EGFLAM: variants seen among roughly 807,000 people sequenced by gnomAD.
EGFLAM encodes the protein pikachurin.
In EGFLAM, 79 loss-of-function variants were observed where a neutral mutation model predicts 113.1. The observed-to-expected ratio is 0.70, with a 90% CI of 0.58 to 0.84. The LOEUF (loss-of-function observed/expected upper bound fraction) is 0.84. EGFLAM is among the 40% of genes least tolerant of loss of function. EGFLAM has a pLI of 0.00. For synonymous variants in EGFLAM, 504 were observed against 487.6 expected (o/e 1.03, Z -0.44); for missense variants, 1,265 against 1,291.6 (o/e 0.98, Z 0.32).
intron 10 of EGFLAM, among the ~76,000 whole-genome samples, chr5:38,412,129 G>A (rs533399751): frequency 3.3e-5 from 5 of 152,094 alleles, no homozygotes; most frequent in Admixed American, 6.5e-5. Context: ...AAATACAGGG[G>A]GTACATGTGC....
rs1561102360 is a variant in EGFLAM, at chr5:38,451,382, TGGAGG to T, written c.2616_2620del (p.Gly873GlnfsTer24). The T allele has an allele frequency of 6.2e-7, 1 of 1,614,232 alleles. No individual in the cohort carries two copies. The highest frequency in any genetic ancestry group is 1.1e-5 in the South Asian group (1 of 91,082). Reference sequence around the variant, plus strand: ...AACTGCCAAGGATGGCCTTTTGCTGTGGAGGGGAGACAGCCCCATGAGACCCAACA... The same window carrying T: ...AACTGCCAAGGATGGCCTTTTGCTGTGGAGACAGCCCCATGAGACCCAACA... On this transcript the variant is annotated frameshift_variant, in exon 19 of 22. Transcript: ENST00000322350. LOFTEE classifies it high-confidence loss of function.
At chr5:38,300,377 T>C (rs72739034) in intron 1 of EGFLAM, among the ~76,000 whole-genome samples, 26,294 of 88,034 alleles carry the variant, frequency 0.3, 2,632 homozygotes, top group African/African-American at 0.45. Flanking sequence ...CTCTCTCTCT[T>C]TTTTTTTTTT....
chr5:38,462,605 T>C, intron 20 of EGFLAM: 2 of 286,416 alleles, frequency 7.0e-6, no homozygotes, highest in South Asian at 8.6e-5. Flanking sequence ...ATAACTGTCC[T>C]CTCTCTAGTC....
In EGFLAM at chr5:38,412,562, G is replaced by C. The variant is rs759169959; in HGVS notation, c.1408G>C (p.Gly470Arg). Residue 470 changes from glycine to arginine, a missense_variant, in exon 11 of 22, where the codon GGT (glycine) becomes CGT (arginine). Gly to Arg is a moderately radical substitution (Grantham distance 125, BLOSUM62 -2). Coordinates refer to ENST00000322350, the MANE Select transcript of EGFLAM (RefSeq NM_152403.4). Reference protein sequence around the residue: ...IVSETKIKLGGWHTVMLYRDG... With the variant: ...IVSETKIKLGRWHTVMLYRDG... ...AAGTGAGACCAAAATCAAACTAGGG[G>C]GTTGGCACACGGTTATGCTCTACAG... The C allele has an allele frequency of 6.2e-7, 1 of 1,614,012 alleles. No individual in the cohort carries two copies. The highest frequency in any genetic ancestry group is 1.3e-5 in the African/African-American group (1 of 74,904).
chr5:38,407,107 C>A lies in EGFLAM; in HGVS notation c.1108C>A (p.Gln370Lys). 1 of 1,614,054 alleles carries A rather than the reference C, an allele frequency of 6.2e-7. No individual in the cohort carries two copies. The highest frequency in any genetic ancestry group is 2.2e-5 in the East Asian group (1 of 44,866). The change falls in exon 8 of 22, where the codon CAG (glutamine) becomes AAG (lysine). Residue 370 changes from glutamine (Q) to lysine (K), a missense_variant. Gln to Lys is a moderately conservative substitution (Grantham distance 53). Transcript: ENST00000322350. ...CTACACCTGGGGGGGCTCGCGATGC[C>A]AGTGCACCCTGGGCAAAGGTGGTGA... ...NDYTWGGSRC[Q>K]CTLGKGGESC...
At chr5:38,377,243 T>A (rs1740391518) in intron 6 of EGFLAM, among the ~76,000 whole-genome samples, 1 of 151,976 alleles carries the variant, frequency 6.6e-6, no homozygotes, top group Non-Finnish European at 1.5e-5. Context: ...GTTCAAGCGC[T>A]TCTCCTGCCT....
intron 20 of EGFLAM, 43 bp downstream of exon 20, chr5:38,458,437 G>C (rs764737171): frequency 5.2e-5 from 83 of 1,583,138 alleles, no homozygotes; most frequent in Admixed American, 1.7e-5. Context: ...GAGCTGAGCA[G>C]TGGTGGGATG....
chr5:38,401,483 A>AT (rs1741111377), intron 6 of EGFLAM, among the ~76,000 whole-genome samples: 1 of 152,090 alleles, frequency 6.6e-6, no homozygotes, highest in Non-Finnish European at 1.5e-5. Flanking sequence ...AAATGACAAG[A>AT]TTGGGCTGGA....
At chr5:38,295,047 G>C (rs367672219) in intron 1 of EGFLAM, among the ~76,000 whole-genome samples, 1 of 152,090 alleles carries the variant, frequency 6.6e-6, no homozygotes, top group African/African-American at 2.4e-5. Context: ...GGCTGGTCTC[G>C]AACTCCTGAC....
intron 3 of EGFLAM, among the ~76,000 whole-genome samples, chr5:38,344,382 A>G (rs1739422074): frequency 6.6e-6 from 1 of 151,764 alleles, no homozygotes; most frequent in African/African-American, 2.4e-5. Flanking sequence ...GCTACTCAGG[A>G]GGCTGAGGCA....
At position 38,462,626 on chromosome 5, in the gene EGFLAM, G is replaced by A. The variant is rs1466406208; in HGVS notation, c.2772-282G>A. 6 of 338,086 alleles carry A rather than the reference G, an allele frequency of 1.8e-5. No individual in the cohort carries two copies. The East Asian group carries it at 3.0e-4, about 17-fold the overall frequency. The allele number at this position is 338,086 out of a possible 1,614,324, so 20.9% of individuals were successfully genotyped here. On this transcript the variant is annotated intron_variant, in intron 20 of 21. Transcript: ENST00000322350. Reference sequence around the variant, plus strand: ...GTCCTCTCTCTAGTCTAAGTTAGGCGCTGCTCCTCTGGTGTAATTCCACAG... The same window carrying A: ...GTCCTCTCTCTAGTCTAAGTTAGGCACTGCTCCTCTGGTGTAATTCCACAG...
chr5:38,408,213 G>A (rs1741356716), intron 9 of EGFLAM, among the ~76,000 whole-genome samples: 1 of 152,162 alleles, frequency 6.6e-6, no homozygotes, highest in South Asian at 2.1e-4. Flanking sequence ...ATTTCTCCCA[G>A]GCCAGGATTG....
chr5:38,442,007 T>A (rs1742552309), intron 17 of EGFLAM, among the ~76,000 whole-genome samples: 1 of 152,196 alleles, frequency 6.6e-6, no homozygotes, highest in African/African-American at 2.4e-5. Flanking sequence ...CGCACAGTCC[T>A]CAAGTAACCA....
intron 6 of EGFLAM, among the ~76,000 whole-genome samples, chr5:38,384,128 G>T (rs1740593839): frequency 6.6e-6 from 1 of 152,142 alleles, no homozygotes; most frequent in South Asian, 2.1e-4. Flanking sequence ...AGAGGAAGGA[G>T]AAGGAATAAG....
At chr5:38,377,013 C>T (rs1288491991) in intron 6 of EGFLAM, among the ~76,000 whole-genome samples, 1 of 152,026 alleles carries the variant, frequency 6.6e-6, no homozygotes, top group Non-Finnish European at 1.5e-5. Flanking sequence ...TTTATTTTCT[C>T]CATAGCACTT....
At chr5:38,317,896 C>T (rs1333226506) in intron 1 of EGFLAM, among the ~76,000 whole-genome samples, 1 of 152,202 alleles carries the variant, frequency 6.6e-6, no homozygotes, top group Non-Finnish European at 1.5e-5. Flanking sequence ...GACAGCTCCT[C>T]ACCAGATGTG....
At chr5:38,458,486 C>A in intron 20 of EGFLAM, 92 bp downstream of exon 20, 1 of 1,276,488 alleles carries the variant, frequency 7.8e-7, no homozygotes, top group South Asian at 1.6e-5. Flanking sequence ...GTCCTGTTCC[C>A]CAACTTTGCC....
At chr5:38,322,070 C>T (rs918491336) in intron 1 of EGFLAM, among the ~76,000 whole-genome samples, 1 of 152,182 alleles carries the variant, frequency 6.6e-6, no homozygotes, top group African/African-American at 2.4e-5. Context: ...ACTGCCCCGC[C>T]GAGCCCTGGT....
At chr5:38,299,374 A>G (rs1425979695) in intron 1 of EGFLAM, among the ~76,000 whole-genome samples, 1 of 152,220 alleles carries the variant, frequency 6.6e-6, no homozygotes, top group Non-Finnish European at 1.5e-5. Context: ...AATTCAGGAC[A>G]CTGTGGCAAG....
Sources: gnomAD v4.1 joint callset for allele counts (sites outside exome capture counted in the v4.1 genomes callset) on GRCh38, gnomAD v4.1.1 for gene constraint, MANE v1.5 for transcripts, NCBI Gene and HGNC (gene_info 2026-07-23, HGNC 2026-07-21) for gene names.